The following PIR variants were observed in gnomAD, a reference collection of about 807,000 sequenced individuals.
PIR encodes the protein pirin (iron-binding nuclear protein).
In PIR, 22 loss-of-function variants were observed where a neutral mutation model predicts 24.2. The observed-to-expected ratio is 0.91, with a 90% CI of 0.65 to 1.30. PIR has a LOEUF of 1.30. Among genes scored for constraint, PIR ranks in the 50% most tolerant of loss-of-function variants. PIR has a pLI of 0.00. For synonymous variants in PIR, 80 were observed against 79.6 expected (o/e 1.00, Z -0.03); for missense variants, 220 against 220.3 (o/e 1.00, Z 0.01).
intron 5 of PIR, among the ~76,000 whole-genome samples, chrX:15,445,024 C>T: frequency 9.1e-6 from 1 of 109,963 alleles, no homozygotes; most frequent in Non-Finnish European, 1.9e-5. Context: ...TTTCTTCCTC[C>T]TTTTCACTGC....
Position 15,440,996 on chromosome X carries a change from T to C in PIR, c.480+14852A>G, listed in dbSNP as rs143516165. ...TAAAATTTCATGGAACCAAAACCGG[T>C]ATTGTGATAAATGTGTCTTTTATTA... On this transcript the variant is annotated intron_variant, in intron 5 of 9. Transcript: ENST00000380420. 5.4e-5 allele frequency among the ~76,000 whole-genome samples: 6 copies of C among 111,952 alleles called. No individual in the cohort carries two copies. In the East Asian group the frequency reaches 1.7e-3, roughly 32 times the overall value.
At chrX:15,426,014 A>T (rs1569199906) in intron 5 of PIR, 24 bp from the exon 6 acceptor site, 1 of 1,027,982 alleles carries the variant, frequency 9.7e-7, no homozygotes, top group Admixed American at 2.2e-5. Context: ...GGAAACCATC[A>T]GTGTTTTTTT....
At chrX:15,472,636 GA>G (rs1469392268) in intron 3 of PIR, among the ~76,000 whole-genome samples, 1 of 112,135 alleles carries the variant, frequency 8.9e-6, no homozygotes, top group East Asian at 2.8e-4. Flanking sequence ...AATAGAGACA[GA>G]AAGTGTGGTT....
intron 5 of PIR, among the ~76,000 whole-genome samples, chrX:15,428,837 G>A (rs1925408727): frequency 1.8e-5 from 2 of 111,724 alleles, no homozygotes; most frequent in African/African-American, 3.3e-5. Context: ...GCTGACCAAC[G>A]AAACACTTAT....
chrX:15,420,299 G>A (rs771657731), intron 6 of PIR, among the ~76,000 whole-genome samples: 1 of 73,034 alleles, frequency 1.4e-5, no homozygotes, highest in Admixed American at 1.4e-4. Flanking sequence ...TACAGCTTTG[G>A]AAACTGACAG....
chrX:15,492,016 C>A (rs1166988359), intron 1 of PIR, among the ~76,000 whole-genome samples: 1 of 109,472 alleles, frequency 9.1e-6, no homozygotes, highest in African/African-American at 3.3e-5. Context: ...TCACTGAATT[C>A]TCTCGATCTC....
At chrX:15,437,425 A>C (rs778418563) in intron 5 of PIR, among the ~76,000 whole-genome samples, 1 of 111,801 alleles carries the variant, frequency 8.9e-6, no homozygotes, top group Non-Finnish European at 1.9e-5. Flanking sequence ...GCAATGGAAG[A>C]GCTGAATGAA....
rs777068015 is a variant in PIR at position 15,385,094 on chromosome X, A to G, written c.783T>C (p.Asn261=). 7 of 1,173,858 alleles carry G rather than the reference A, an allele frequency of 6.0e-6. No individual in the cohort carries two copies. The South Asian group carries it at 1.3e-4, about 21-fold the overall frequency. ...CAAGAATAGCTTGAGAAATCTCTTC[A>G]TTGGTGTTCATCACAAATGGACCTA... ...IQHGPFVMNT[N]EEISQAILDF... Residue 261 remains asparagine, a synonymous_variant, in exon 10 of 10, where the codon AAT becomes AAC. Coordinates refer to ENST00000380420, the MANE Select transcript of PIR (RefSeq NM_001018109.3).
chrX:15,490,753 C>A (rs1482868002), intron 2 of PIR, among the ~76,000 whole-genome samples: 1 of 111,920 alleles, frequency 8.9e-6, no homozygotes, highest in African/African-American at 3.2e-5. Context: ...TATGCTCAAC[C>A]AATCAGATTC....
At chrX:15,433,734 AAGG>A (rs1555957071) in intron 5 of PIR, among the ~76,000 whole-genome samples, 3 of 19,241 alleles carry the variant, frequency 1.6e-4, no homozygotes, top group African/African-American at 2.2e-4. Flanking sequence ...AAGGAGAAAG[AAGG>A]AGGAGGAGGA....
At chrX:15,404,021 A>G (rs2147011033) in intron 7 of PIR, among the ~76,000 whole-genome samples, 1 of 105,755 alleles carries the variant, frequency 9.5e-6, no homozygotes, top group South Asian at 4.3e-4. Context: ...TTTTTTTTAG[A>G]CAAGAGTCCC....
chrX:15,431,207 G>T, intron 5 of PIR, among the ~76,000 whole-genome samples: 1 of 111,699 alleles, frequency 9.0e-6, no homozygotes, highest in East Asian at 2.8e-4. Context: ...GTTTCTACTT[G>T]TTCCTAGACA....
At chrX:15,462,070 T>G (rs1203642259) in intron 3 of PIR, among the ~76,000 whole-genome samples, 1 of 111,910 alleles carries the variant, frequency 8.9e-6, no homozygotes, top group Non-Finnish European at 1.9e-5. Flanking sequence ...CAGTACCTTT[T>G]GGTAGAACAA....
intron 6 of PIR, among the ~76,000 whole-genome samples, chrX:15,407,910 G>A (rs1395452298): frequency 8.9e-6 from 1 of 112,108 alleles, no homozygotes; most frequent in Non-Finnish European, 1.9e-5. Context: ...CAACACTCCA[G>A]TCTGGCTTTA....
At chrX:15,471,500 T>C (rs894080786) in intron 3 of PIR, among the ~76,000 whole-genome samples, 9 of 111,809 alleles carry the variant, frequency 8.0e-5, no homozygotes, top group Non-Finnish European at 1.5e-4. Context: ...CCTTCCCCAA[T>C]AATGGCCCAA....
At chrX:15,417,430 G>C (rs1924962235) in intron 6 of PIR, among the ~76,000 whole-genome samples, 1 of 112,492 alleles carries the variant, frequency 8.9e-6, no homozygotes, top group South Asian at 3.6e-4. Context: ...AGTAGCTACT[G>C]TATGTATGGC....
In PIR at chrX:15,394,774, G is replaced by A. The variant is rs191290913; in HGVS notation, c.693+2675C>T. ...CAGGATTAAATGTCCAGAGTAGTCTGGAGTTGATTCCAATCTCTAAGAACT... is the reference window on the plus strand; with the variant it reads ...CAGGATTAAATGTCCAGAGTAGTCTAGAGTTGATTCCAATCTCTAAGAACT... On this transcript the variant is annotated intron_variant, in intron 8 of 9. Coordinates refer to ENST00000380420, the MANE Select transcript of PIR (RefSeq NM_001018109.3). Among the ~76,000 whole-genome samples, 14 of 112,047 alleles carry A rather than the reference G, an allele frequency of 1.2e-4. No individual in the cohort carries two copies. In the East Asian group the frequency reaches 3.6e-3, roughly 29 times the overall value.
intron 7 of PIR, among the ~76,000 whole-genome samples, chrX:15,398,255 C>T (rs1346391848): frequency 1.8e-5 from 2 of 111,477 alleles, no homozygotes; most frequent in Non-Finnish European, 3.8e-5. Flanking sequence ...AAAAAAAGAC[C>T]CTGTTCTAAA....
chrX:15,419,343 C>CTGTGTG (rs34664851), intron 6 of PIR, among the ~76,000 whole-genome samples: 1,646 of 78,257 alleles, frequency 0.021, 25 homozygotes, highest in South Asian at 0.032. Flanking sequence ...ATGGATAAGT[C>CTGTGTG]TGTGTGTGTG....
Sources: allele counts gnomAD v4.1 joint callset (sites outside exome capture counted in the v4.1 genomes callset), GRCh38; gene constraint gnomAD v4.1.1; transcripts MANE v1.5; gene names NCBI Gene and HGNC (gene_info 2026-07-23, HGNC 2026-07-21).